LRRTM3: variants seen among roughly 807,000 people sequenced by gnomAD.
LRRTM3 encodes the protein leucine rich repeat transmembrane neuronal 3.
Under a neutral mutation model 44.7 loss-of-function variants are expected in LRRTM3, and 24 were observed. That is an observed-to-expected ratio of 0.54 (90% confidence interval 0.39 to 0.76). The LOEUF is 0.76. Ranked by LOEUF, LRRTM3 falls within the 30% of genes least tolerant of loss-of-function variation. LRRTM3 has a pLI of 0.00. For missense variants in LRRTM3, 587 were observed against 702.2 expected (o/e 0.84, Z 1.85); for synonymous variants, 277 against 278.7 (o/e 0.99, Z 0.06).
rs572293238 is a variant in LRRTM3, at chr10:67,084,154, C to A, written c.1537-13433C>A. Among the ~76,000 whole-genome samples the A allele has an allele frequency of 4.6e-5, 7 of 152,192 alleles. No homozygotes were observed. The East Asian group carries it at 5.8e-4, about 13-fold the overall frequency. On this transcript the variant is annotated intron_variant, in intron 2 of 2. Transcript: ENST00000361320. ...TCTCAAATTCACTTATCACTTTTAACTTGGTATTCATATATTCAGAATAAT... is the reference window on the plus strand; with the variant it reads ...TCTCAAATTCACTTATCACTTTTAAATTGGTATTCATATATTCAGAATAAT...
chr10:66,945,281 G>T (rs1848220077), intron 2 of LRRTM3, among the ~76,000 whole-genome samples: 1 of 152,304 alleles, frequency 6.6e-6, no homozygotes, highest in East Asian at 1.9e-4. Context: ...ACTTGTTGCA[G>T]CTTTTACATC....
chr10:67,008,451 A>G (rs1309273196), intron 2 of LRRTM3, among the ~76,000 whole-genome samples: 1 of 152,122 alleles, frequency 6.6e-6, no homozygotes, highest in Non-Finnish European at 1.5e-5. Flanking sequence ...GAAATTCACT[A>G]CAGCTTTTTT....
chr10:67,037,319 A>G (rs1288652191), intron 2 of LRRTM3, among the ~76,000 whole-genome samples: 1 of 151,824 alleles, frequency 6.6e-6, no homozygotes, highest in Non-Finnish European at 1.5e-5. Context: ...CAGCAAAATC[A>G]TATTCAGCAG....
chr10:67,079,933 G>A (rs887861571), intron 2 of LRRTM3, among the ~76,000 whole-genome samples: 3 of 150,582 alleles, frequency 2.0e-5, no homozygotes, highest in East Asian at 1.9e-4. Context: ...ACACACAGCA[G>A]CATGTAAGAA....
At chr10:66,983,903 C>T (rs1403553704) in intron 2 of LRRTM3, among the ~76,000 whole-genome samples, 2 of 152,184 alleles carry the variant, frequency 1.3e-5, no homozygotes, top group African/African-American at 4.8e-5. Context: ...AGGCTCTATG[C>T]TAAGTCCTTT....
Position 66,939,999 on chromosome 10 carries a change from AT to A in LRRTM3, c.1536+11557del, listed in dbSNP as rs985554728. 2.1e-3 allele frequency among the ~76,000 whole-genome samples: 322 copies of A among 150,680 alleles called. 1 individual carries two copies. Among genetic ancestry groups the A allele is most frequent in the African/African-American group, 6.5e-3 (266 of 41,144 alleles). On this transcript the variant is annotated intron_variant, in intron 2 of 2. Coordinates refer to ENST00000361320, the MANE Select transcript of LRRTM3 (RefSeq NM_178011.5). The stretch of plus-strand genomic sequence containing the variant: ...TTAAGATAAACCCAGTGGTTACTTA[AT>A]TTTTTTTTTAATTCTTCTTTGTTTT...
At chr10:67,004,389 A>G (rs1419273930) in intron 2 of LRRTM3, among the ~76,000 whole-genome samples, 1 of 152,234 alleles carries the variant, frequency 6.6e-6, no homozygotes, top group African/African-American at 2.4e-5. Flanking sequence ...AAAAGGAGAG[A>G]AATGTATCTT....
At chr10:66,943,894 C>A in intron 2 of LRRTM3, among the ~76,000 whole-genome samples, 1 of 152,156 alleles carries the variant, frequency 6.6e-6, no homozygotes, top group African/African-American at 2.4e-5. Context: ...TTTAAAAATA[C>A]TTTATTGCTA....
At chr10:66,997,104 GAGC>G (rs1159722428) in intron 2 of LRRTM3, among the ~76,000 whole-genome samples, 1 of 152,168 alleles carries the variant, frequency 6.6e-6, no homozygotes, top group African/African-American at 2.4e-5. Context: ...GCAAGAATAA[GAGC>G]AGAAGATGAT....
intron 2 of LRRTM3, among the ~76,000 whole-genome samples, chr10:67,044,741 A>G (rs1399945150): frequency 6.6e-6 from 1 of 152,224 alleles, no homozygotes; most frequent in Non-Finnish European, 1.5e-5. Flanking sequence ...AAGTAACATA[A>G]TAGATATTTT....
At chr10:66,968,095 C>A (rs2132812296) in intron 2 of LRRTM3, among the ~76,000 whole-genome samples, 1 of 152,018 alleles carries the variant, frequency 6.6e-6, no homozygotes, top group African/African-American at 2.4e-5. Context: ...GACTGCTGAG[C>A]CTGAAAAACC....
chr10:67,072,101 C>T (rs1221586062), intron 2 of LRRTM3, among the ~76,000 whole-genome samples: 1 of 152,102 alleles, frequency 6.6e-6, no homozygotes, highest in African/African-American at 2.4e-5. Context: ...TACAGACATG[C>T]ACCACCAAGC....
chr10:67,066,232 G>T (rs141752243), intron 2 of LRRTM3, among the ~76,000 whole-genome samples: 2 of 124,476 alleles, frequency 1.6e-5, no homozygotes, highest in African/African-American at 3.3e-5. Context: ...TTGCTCCATC[G>T]CCCAGGCTAG....
chr10:67,078,718 A>G (rs1048194702), intron 2 of LRRTM3, among the ~76,000 whole-genome samples: 16 of 152,084 alleles, frequency 1.1e-4, no homozygotes, highest in Admixed American at 7.9e-4. Flanking sequence ...GGGTTTCACC[A>G]TGTTAGCCAG....
At chr10:66,977,258 G>A (rs1467971105) in intron 2 of LRRTM3, among the ~76,000 whole-genome samples, 2 of 152,038 alleles carry the variant, frequency 1.3e-5, no homozygotes, top group Admixed American at 6.6e-5. Context: ...CCAACATGGT[G>A]AAACCCCGTC....
chr10:66,935,770 G>A (rs184434189), intron 2 of LRRTM3, among the ~76,000 whole-genome samples: 81 of 149,986 alleles, frequency 5.4e-4, no homozygotes, highest in Admixed American at 2.4e-3. Flanking sequence ...TATGCGTTTC[G>A]TAAACTCAGA....
intron 2 of LRRTM3, among the ~76,000 whole-genome samples, chr10:67,037,877 C>T (rs923679584): frequency 6.6e-6 from 1 of 151,974 alleles, no homozygotes; most frequent in African/African-American, 2.4e-5. Context: ...TATGGAAACC[C>T]AGAGAGGTTG....
chr10:66,981,369 C>T (rs781222392), intron 2 of LRRTM3, among the ~76,000 whole-genome samples: 2 of 152,246 alleles, frequency 1.3e-5, no homozygotes, highest in Non-Finnish European at 2.9e-5. Flanking sequence ...TCAGCTCACT[C>T]AGGCATAAGT....
chr10:66,978,552 A>AAATAAAAAAAAATATATATATATATAT, intron 2 of LRRTM3, among the ~76,000 whole-genome samples: 22 of 37,888 alleles, frequency 5.8e-4, no homozygotes, highest in Non-Finnish European at 6.8e-4. Flanking sequence ...AAAAAAAAAA[A>AAATAAAAAAAAATATATATATATATAT]ATATATATAT....
Sources: allele counts gnomAD v4.1 joint callset (sites outside exome capture counted in the v4.1 genomes callset), GRCh38; gene constraint gnomAD v4.1.1; transcripts MANE v1.5; gene names NCBI Gene and HGNC (gene_info 2026-07-23, HGNC 2026-07-21).